The following HIBADH variants were observed in gnomAD, a reference collection of about 807,000 sequenced individuals.
HIBADH encodes the protein 3-hydroxyisobutyrate dehydrogenase.
Under a neutral mutation model 36.1 loss-of-function variants are expected in HIBADH, and 25 were observed. The ratio of observed to expected loss-of-function variants is 0.69; its 90% CI spans 0.50 to 0.97. HIBADH has a LOEUF of 0.97. HIBADH is among the 50% of genes least tolerant of loss of function. The probability of loss-of-function intolerance (pLI) is 0.00; values close to 1 mark genes in which losing one functional copy is unlikely to be tolerated. For synonymous variants in HIBADH, 160 were observed against 149.5 expected (o/e 1.07, Z -0.51); for missense variants, 421 against 418.0 (o/e 1.01, Z -0.06).
intron 4 of HIBADH, among the ~76,000 whole-genome samples, chr7:27,601,349 T>A (rs1052105602): frequency 6.6e-6 from 1 of 152,144 alleles, no homozygotes; most frequent in Non-Finnish European, 1.5e-5. Flanking sequence ...CCAATATAAT[T>A]CTTTCAGTAC....
At chr7:27,639,917 C>T (rs982696197) in intron 2 of HIBADH, among the ~76,000 whole-genome samples, 5 of 151,990 alleles carry the variant, frequency 3.3e-5, no homozygotes, top group Non-Finnish European at 7.4e-5. Context: ...TAATAATCCA[C>T]GTACAGTCAA....
chr7:27,563,033 CCCCCAGAAGTTCTCTCAT>C, intron 4 of HIBADH, among the ~76,000 whole-genome samples: 1 of 152,276 alleles, frequency 6.6e-6, no homozygotes, highest in Middle Eastern at 3.4e-3. Context: ...AATTCTCTCA[CCCCCAGAAGTTCTCTCAT>C]GCTACCCCTT....
chr7:27,553,154 C>A (rs1239982084), intron 4 of HIBADH, among the ~76,000 whole-genome samples: 2 of 152,076 alleles, frequency 1.3e-5, no homozygotes, highest in Non-Finnish European at 2.9e-5. Flanking sequence ...TGAGATTCTT[C>A]AAAATAGAAA....
At chr7:27,599,848 GTCCTT>G (rs1301534340) in intron 4 of HIBADH, among the ~76,000 whole-genome samples, 3 of 151,152 alleles carry the variant, frequency 2.0e-5, no homozygotes, top group Non-Finnish European at 4.4e-5. Flanking sequence ...ATGTTTGTTG[GTCCTT>G]TATAATTGTA....
At chr7:27,547,678 C>T (rs1784254314) in intron 4 of HIBADH, among the ~76,000 whole-genome samples, 1 of 151,928 alleles carries the variant, frequency 6.6e-6, no homozygotes, top group Non-Finnish European at 1.5e-5. Context: ...TGCTGCTCAC[C>T]CTGTTTCTTC....
intron 4 of HIBADH, among the ~76,000 whole-genome samples, chr7:27,562,194 T>G (rs929096630): frequency 6.6e-6 from 1 of 152,126 alleles, no homozygotes; most frequent in Non-Finnish European, 1.5e-5. Context: ...TCTGTTTTCT[T>G]TTTTCCTTTA....
At chr7:27,627,581 G>A (rs73684008) in intron 4 of HIBADH, among the ~76,000 whole-genome samples, 1 of 152,134 alleles carries the variant, frequency 6.6e-6, no homozygotes, top group Non-Finnish European at 1.5e-5. Flanking sequence ...ACTTTATTTA[G>A]TTAAAATACA....
chr7:27,615,384 T>C (rs1164545050), intron 4 of HIBADH, among the ~76,000 whole-genome samples: 1 of 152,230 alleles, frequency 6.6e-6, no homozygotes, highest in Non-Finnish European at 1.5e-5. Flanking sequence ...TTTTTCCATC[T>C]ATAAAATGTT....
chr7:27,538,604 C>G (rs1374639423), intron 5 of HIBADH, among the ~76,000 whole-genome samples, 187 bp from the exon 6 acceptor site: 1 of 152,106 alleles, frequency 6.6e-6, no homozygotes, highest in East Asian at 1.9e-4. Flanking sequence ...TATCCCAGAG[C>G]AGACTTGCGG....
At chr7:27,646,688 C>G (rs1294953199) in intron 2 of HIBADH, among the ~76,000 whole-genome samples, 1 of 96,934 alleles carries the variant, frequency 1.0e-5, no homozygotes, top group Non-Finnish European at 2.0e-5. Flanking sequence ...CCACGCCCAG[C>G]ATTTTTTTTT....
chr7:27,597,076 A>T (rs1032909360), intron 4 of HIBADH, among the ~76,000 whole-genome samples: 2 of 152,074 alleles, frequency 1.3e-5, no homozygotes, highest in Non-Finnish European at 2.9e-5. Context: ...AAAAAATCGG[A>T]AAAAATAAGC....
At chr7:27,655,071 T>C (rs995654368) in intron 1 of HIBADH, among the ~76,000 whole-genome samples, 6 of 152,178 alleles carry the variant, frequency 3.9e-5, no homozygotes, top group African/African-American at 1.4e-4. Context: ...CAACTTATCA[T>C]ATATCACTAT....
At chr7:27,641,495 C>CA (rs1235664293) in intron 2 of HIBADH, among the ~76,000 whole-genome samples, 2 of 152,256 alleles carry the variant, frequency 1.3e-5, no homozygotes, top group Admixed American at 1.3e-4. Flanking sequence ...ACTATTGTGG[C>CA]AAAAAGTTTC....
chr7:27,556,511 A>C (rs1784390878), intron 4 of HIBADH, among the ~76,000 whole-genome samples: 1 of 152,126 alleles, frequency 6.6e-6, no homozygotes, highest in Non-Finnish European at 1.5e-5. Flanking sequence ...TAAGATTTTG[A>C]AAGAATTCTC....
chr7:27,532,921 A>T (rs1175170271), intron 6 of HIBADH, among the ~76,000 whole-genome samples: 1 of 152,228 alleles, frequency 6.6e-6, no homozygotes. Context: ...AATAATTGTG[A>T]AAAGTAAAAT....
chr7:27,617,103 T>G (rs1466893163), intron 4 of HIBADH, among the ~76,000 whole-genome samples: 1 of 135,872 alleles, frequency 7.4e-6, no homozygotes, highest in Non-Finnish European at 1.6e-5. Context: ...TCCAGAGCAA[T>G]TTCCAGACTC....
At chr7:27,580,475 G>A (rs992536305) in intron 4 of HIBADH, among the ~76,000 whole-genome samples, 14 of 152,148 alleles carry the variant, frequency 9.2e-5, no homozygotes, top group Admixed American at 2.6e-4. Context: ...TTTCAGGTGA[G>A]GATAGTTACA....
chr7:27,542,540 C>G (rs1349791143), intron 5 of HIBADH, among the ~76,000 whole-genome samples: 3 of 150,858 alleles, frequency 2.0e-5, no homozygotes, highest in African/African-American at 7.3e-5. Context: ...CAATCCCCCA[C>G]CCCTGGGCTC....
intron 6 of HIBADH, among the ~76,000 whole-genome samples, chr7:27,537,183 G>A (rs116746970): frequency 9.2e-4 from 140 of 152,260 alleles, no homozygotes; most frequent in African/African-American, 3.0e-3. Flanking sequence ...GTACAGACAT[G>A]CTTTACCATC....
Sources: gnomAD v4.1 joint callset for allele counts (sites outside exome capture counted in the v4.1 genomes callset) on GRCh38, gnomAD v4.1.1 for gene constraint, MANE v1.5 for transcripts, NCBI Gene and HGNC (gene_info 2026-07-23, HGNC 2026-07-21) for gene names.